The following C4orf51 variants were observed in gnomAD, a reference collection of about 807,000 sequenced individuals.
C4orf51 encodes the protein uncharacterized protein C4orf51.
Under a neutral mutation model 25.2 loss-of-function variants are expected in C4orf51, and 25 were observed. That is an observed-to-expected ratio of 0.99 (90% CI 0.72 to 1.39). The LOEUF (loss-of-function observed/expected upper bound fraction) is 1.39. C4orf51 is among the 40% of genes most tolerant of loss of function. The probability of loss-of-function intolerance (pLI) is 0.00; values close to 1 mark genes in which losing one functional copy is unlikely to be tolerated. For missense variants in C4orf51, 252 were observed against 239.6 expected (o/e 1.05, Z -0.34); for synonymous variants, 100 against 84.5 (o/e 1.18, Z -1.01).
chr4:145,759,704 G>A (rs945254568), intron 1 of C4orf51: 4 of 150,348 alleles, frequency 2.7e-5, no homozygotes, highest in African/African-American at 7.3e-5. Flanking sequence ...TTTTTCAGAT[G>A]AGAAACAAAA....
chr4:145,744,852 C>CAAAAAA (rs5862745), intron 1 of C4orf51, among the ~76,000 whole-genome samples: 1 of 136,200 alleles, frequency 7.3e-6, no homozygotes. Context: ...AACTCTGTCT[C>CAAAAAA]AAAAAAAAAA....
At chr4:145,755,488 G>C (rs1042694798), downstream of C4orf51, among the ~76,000 whole-genome samples, 1 of 152,168 alleles carries the variant, frequency 6.6e-6, no homozygotes, top group Non-Finnish European at 1.5e-5. Context: ...TATAGCAATT[G>C]GTTTTTCTTT....
Position 145,762,965 on chromosome 4 carries a change from T to C in C4orf51, n.167-8023T>C. 2.2e-6 allele frequency: 2 copies of C among 905,742 alleles called. No individual in the cohort carries two copies. The highest frequency in any genetic ancestry group is 3.3e-6 in the Non-Finnish European group (2 of 602,252). 56.1% of individuals were successfully genotyped at this position (905,742 alleles called of 1,614,324 possible). Reference sequence around the variant, plus strand: ...ACAACCAAGTGCACCGTGCACGGCCTCCTCAGCGCCAAGCTCGCCGTTAGC... The same window carrying C: ...ACAACCAAGTGCACCGTGCACGGCCCCCTCAGCGCCAAGCTCGCCGTTAGC... On this transcript the variant is annotated intron_variant and non_coding_transcript_variant, in intron 1 of 1. Coordinates refer to the C4orf51 transcript ENST00000510096. The surrounding 1 kb of genome is among the most constrained non-coding windows in gnomAD (Gnocchi z 4.9).
the C4orf51 span, among the ~76,000 whole-genome samples, chr4:145,787,717 A>G: frequency 6.6e-6 from 1 of 152,116 alleles, no homozygotes; most frequent in Non-Finnish European, 1.5e-5. Context: ...AACCCATCTG[A>G]TAGAATTCAG....
intron 4 of C4orf51, among the ~76,000 whole-genome samples, 154 bp downstream of exon 4, chr4:145,729,383 G>A (rs1732305447): frequency 7.3e-6 from 1 of 136,536 alleles, no homozygotes; most frequent in Admixed American, 8.1e-5. Flanking sequence ...CTCACTGCAA[G>A]CTCTGCCTCC....
chr4:145,762,984 C>T lies in C4orf51; in HGVS notation n.167-8004C>T, dbSNP rs1049359838. ...ACGGCCTCCTCAGCGCCAAGCTCGC[C>T]GTTAGCCTTTGAACCTCAGCTCACA... On this transcript the variant is annotated intron_variant and non_coding_transcript_variant, in intron 1 of 1. Coordinates refer to the C4orf51 transcript ENST00000510096. This position sits in a 1 kb window ranked among gnomAD's most constrained non-coding sequence, Gnocchi z 4.9. 1.5e-5 allele frequency: 17 copies of T among 1,139,368 alleles called. No homozygotes were observed. The highest frequency in any genetic ancestry group is 4.4e-5 in the South Asian group (3 of 67,592). 70.6% of individuals were successfully genotyped at this position (1,139,368 alleles called of 1,614,324 possible). A position where few individuals can be genotyped will look rare whatever the true frequency, so the allele number is the denominator to read the frequency against.
chr4:145,768,225 C>T (rs1205831544), intron 1 of C4orf51, among the ~76,000 whole-genome samples: 2 of 152,134 alleles, frequency 1.3e-5, no homozygotes, highest in Non-Finnish European at 2.9e-5. Flanking sequence ...AGTACAGTAA[C>T]GTGATCCCAG....
the C4orf51 span, among the ~76,000 whole-genome samples, chr4:145,777,322 C>G: frequency 6.6e-6 from 1 of 152,270 alleles, no homozygotes; most frequent in Admixed American, 6.5e-5. Context: ...AACTGTGGAG[C>G]TTTTTAAATC....
chr4:145,723,823 A>G (rs1370452754), intron 2 of C4orf51, among the ~76,000 whole-genome samples: 5 of 152,224 alleles, frequency 3.3e-5, no homozygotes, highest in African/African-American at 1.2e-4. Flanking sequence ...GCCAAGGTCA[A>G]ACTTTATCAT....
intron 2 of C4orf51, among the ~76,000 whole-genome samples, chr4:145,706,857 G>A (rs2126717912): frequency 6.7e-6 from 1 of 148,590 alleles, no homozygotes; most frequent in African/African-American, 2.5e-5. Flanking sequence ...TGTCGCCCAG[G>A]CTAGAGTGCA....
rs549744863 is a variant in C4orf51, at chr4:145,738,157, A to G, written n.167+5538A>G. Among the ~76,000 whole-genome samples, 88 of 152,312 alleles carry G rather than the reference A, an allele frequency of 5.8e-4. 1 individual carries two copies. Among genetic ancestry groups the G allele is most frequent in the Middle Eastern group, 3.4e-3 (1 of 294 alleles). On this transcript the variant is annotated intron_variant and non_coding_transcript_variant, in intron 1 of 1. Coordinates refer to the C4orf51 transcript ENST00000508981. ...TTAAGCTCTTTGGATGCATATTAAA[A>G]ATATACTCCCAGCAGGGCTCAGTGG...
the C4orf51 span, among the ~76,000 whole-genome samples, chr4:145,792,321 C>A: frequency 6.6e-6 from 1 of 150,802 alleles, no homozygotes; most frequent in African/African-American, 2.4e-5. Flanking sequence ...AGAGTTTGAA[C>A]TACTGAATTT....
intron 1 of C4orf51, among the ~76,000 whole-genome samples, chr4:145,751,210 A>G (rs1216587093): frequency 2.0e-5 from 3 of 152,128 alleles, no homozygotes; most frequent in South Asian, 2.1e-4. Context: ...AGGATGTTCA[A>G]CAATGTCTAG....
intron 1 of C4orf51, among the ~76,000 whole-genome samples, chr4:145,741,767 A>G (rs1579021808): frequency 6.6e-6 from 1 of 151,794 alleles, no homozygotes; most frequent in African/African-American, 2.4e-5. Context: ...GCTCGATCTC[A>G]GCTCACTGCA....
chr4:145,730,461 A>C (rs1732398522), intron 5 of C4orf51, among the ~76,000 whole-genome samples: 1 of 151,956 alleles, frequency 6.6e-6, no homozygotes, highest in Non-Finnish European at 1.5e-5. Flanking sequence ...ACTTTCTCAA[A>C]CCCCAGGGCT....
chr4:145,776,007 G>C (rs1419222237), downstream of C4orf51: 2 of 1,611,118 alleles, frequency 1.2e-6, no homozygotes, highest in African/African-American at 1.3e-5. Context: ...TTCAAAAAAG[G>C]AAGTCCCAAC....
At chr4:145,753,748 C>T (rs558223843) in intron 1 of C4orf51, among the ~76,000 whole-genome samples, 2 of 152,104 alleles carry the variant, frequency 1.3e-5, no homozygotes, top group Non-Finnish European at 2.9e-5. Context: ...TAACTTGTCC[C>T]TATCAGCCCT....
chr4:145,756,049 T>C (rs1733925470), downstream of C4orf51, among the ~76,000 whole-genome samples: 1 of 152,190 alleles, frequency 6.6e-6, no homozygotes, highest in Non-Finnish European at 1.5e-5. Flanking sequence ...ACTGAAGGCA[T>C]GGAGGTGACT....
At chr4:145,777,996 A>T in the C4orf51 span, among the ~76,000 whole-genome samples, 6 of 152,274 alleles carry the variant, frequency 3.9e-5, no homozygotes, top group East Asian at 1.2e-3. Flanking sequence ...ATGTGACCTT[A>T]TAAAACTCCA....
Sources: allele counts gnomAD v4.1 joint callset (sites outside exome capture counted in the v4.1 genomes callset), GRCh38; gene constraint gnomAD v4.1.1; non-coding constraint Gnocchi (gnomAD v3.1); transcripts MANE v1.5; gene names NCBI Gene and HGNC (gene_info 2026-07-23, HGNC 2026-07-21).